PDZRN3: variants seen among roughly 807,000 people sequenced by gnomAD.
The protein encoded by PDZRN3 is E3 ubiquitin-protein ligase PDZRN3.
A neutral mutation model predicts 85.7 loss-of-function variants in PDZRN3; 38 were observed. That is an observed-to-expected ratio of 0.44 (90% CI 0.34 to 0.58). The LOEUF (loss-of-function observed/expected upper bound fraction) is 0.58. Among genes scored for constraint, PDZRN3 ranks in the 20% least tolerant of loss-of-function variants. The probability of loss-of-function intolerance (pLI) is 0.01; values close to 1 mark genes in which losing one functional copy is unlikely to be tolerated. For missense variants in PDZRN3, 1,629 were observed against 1,506.4 expected (o/e 1.08, Z -1.35); for synonymous variants, 759 against 638.0 (o/e 1.19, Z -2.86).
At chr3:73,590,757 A>G (rs1702346806) in intron 3 of PDZRN3, among the ~76,000 whole-genome samples, 2 of 152,256 alleles carry the variant, frequency 1.3e-5, no homozygotes, top group South Asian at 4.1e-4. Flanking sequence ...TCATATGTTA[A>G]TATTATCTCA....
chr3:73,525,341 A>G (rs1704496859), intron 3 of PDZRN3, among the ~76,000 whole-genome samples: 1 of 152,210 alleles, frequency 6.6e-6, no homozygotes, highest in African/African-American at 2.4e-5. Flanking sequence ...TTATGAACAC[A>G]TGTCAGTTTC....
In PDZRN3 at chr3:73,624,175, C is replaced by T; in HGVS notation, c.651G>A (p.Gln217=). 1 of 1,503,268 alleles carries T rather than the reference C, an allele frequency of 6.7e-7. No individual in the cohort carries two copies. The highest frequency in any genetic ancestry group is 8.8e-7 in the Non-Finnish European group (1 of 1,131,666). The allele number at this position is 1,503,268 out of a possible 1,614,324, so 93.1% of individuals were successfully genotyped here. A position where few individuals can be genotyped will look rare whatever the true frequency, so the allele number is the denominator to read the frequency against. ...LELQMTALRY[Q]KKFTEYSARL... ...GCGCGCTGTATTCGGTGAATTTCTT[C>T]TGGTAGCGCAGCGCGGTCATCTGCA... The change falls in exon 1 of 10, where the codon CAG becomes CAA. Residue 217 remains glutamine (Q), a synonymous_variant. Coordinates refer to ENST00000263666, the MANE Select transcript of PDZRN3 (RefSeq NM_015009.3).
chr3:73,607,130 C>T (rs911045601), intron 2 of PDZRN3, among the ~76,000 whole-genome samples: 6 of 152,218 alleles, frequency 3.9e-5, no homozygotes, highest in African/African-American at 7.2e-5. Context: ...AAAACCCCAG[C>T]GTCCAACCGC....
intron 3 of PDZRN3, among the ~76,000 whole-genome samples, chr3:73,424,051 T>C (rs1006462770): frequency 1.3e-5 from 2 of 152,066 alleles, no homozygotes; most frequent in Non-Finnish European, 2.9e-5. Context: ...TCTTACCATA[T>C]ATAAAAAAGT....
At chr3:73,601,389 C>T (rs948115940) in intron 3 of PDZRN3, among the ~76,000 whole-genome samples, 11 of 152,310 alleles carry the variant, frequency 7.2e-5, no homozygotes, top group African/African-American at 2.6e-4. Flanking sequence ...AAAACAAACA[C>T]CCACTGGTAT....
intron 3 of PDZRN3, among the ~76,000 whole-genome samples, chr3:73,507,152 T>C (rs1295036743): frequency 7.0e-6 from 1 of 143,522 alleles, no homozygotes; most frequent in Non-Finnish European, 1.5e-5. Context: ...TATGCACACA[T>C]ATAAGCATAG....
intron 3 of PDZRN3, among the ~76,000 whole-genome samples, chr3:73,516,668 TA>T (rs1350317595): frequency 6.6e-6 from 1 of 152,154 alleles, no homozygotes; most frequent in Non-Finnish European, 1.5e-5. Flanking sequence ...GTAGGCTGGA[TA>T]AAAAATAGAT....
chr3:73,389,832 C>T lies in PDZRN3; in HGVS notation c.1400G>A (p.Gly467Glu). 6.2e-7 allele frequency: 1 copy of T among 1,613,456 alleles called. No individual in the cohort carries two copies. Among genetic ancestry groups the T allele is most frequent in the African/African-American group, 1.3e-5 (1 of 75,024 alleles). ...TGGACTTACCTGGATAATGCGGTCT[C>T]CTTCTCGGATGCGCCCATCCTTGGC... ...IAAKDGRIRE[G>E]DRIIQINGIE... Residue 467 changes from glycine (G) to glutamate (E), a missense_variant, in exon 7 of 10, where the codon GGA becomes GAA. Physicochemically the swap from Gly to Glu is moderately conservative, Grantham distance 98. Transcript: ENST00000263666.
intron 5 of PDZRN3, 125 bp from the exon 6 acceptor site, chr3:73,391,241 G>A: frequency 3.1e-6 from 2 of 638,214 alleles, no homozygotes; most frequent in South Asian, 2.1e-5. Context: ...ACTGTGTAGG[G>A]CCGGTTAACT....
intron 7 of PDZRN3, among the ~76,000 whole-genome samples, chr3:73,388,348 GACGGCACTGAGAAA>G (rs1252811964): frequency 6.6e-6 from 1 of 152,178 alleles, no homozygotes; most frequent in Non-Finnish European, 1.5e-5. Flanking sequence ...ACCTCCAGAA[GACGGCACTGAGAAA>G]AATCATAATG....
intron 5 of PDZRN3, among the ~76,000 whole-genome samples, chr3:73,392,307 A>G (rs1265232092): frequency 6.6e-6 from 1 of 152,224 alleles, no homozygotes; most frequent in African/African-American, 2.4e-5. Context: ...AGTAGCTAAG[A>G]TTTTATTTCA....
chr3:73,565,817 A>C (rs1406995085), intron 3 of PDZRN3, among the ~76,000 whole-genome samples: 1 of 88,126 alleles, frequency 1.1e-5, no homozygotes, highest in Non-Finnish European at 2.8e-5. Context: ...ACACACACAC[A>C]CACACACACA....
intron 3 of PDZRN3, among the ~76,000 whole-genome samples, chr3:73,497,866 C>T (rs1219132765): frequency 6.6e-6 from 1 of 150,752 alleles, no homozygotes; most frequent in Non-Finnish European, 1.5e-5. Context: ...ACGACTCGAA[C>T]CTCTGGGCCC....
intron 3 of PDZRN3, among the ~76,000 whole-genome samples, chr3:73,600,331 ACACACACT>A (rs1333283124): frequency 1.3e-3 from 111 of 86,010 alleles, no homozygotes; most frequent in African/African-American, 5.2e-3. Context: ...ACACACACAC[ACACACACT>A]CTCTCTCTCT....
intron 3 of PDZRN3, among the ~76,000 whole-genome samples, chr3:73,490,299 C>G (rs1017042071): frequency 6.6e-6 from 1 of 152,182 alleles, no homozygotes; most frequent in Non-Finnish European, 1.5e-5. Context: ...TGGAGACCAA[C>G]TCTCACTGCT....
chr3:73,588,032 G>A (rs1274880013), intron 3 of PDZRN3, among the ~76,000 whole-genome samples: 1 of 152,184 alleles, frequency 6.6e-6, no homozygotes, highest in Non-Finnish European at 1.5e-5. Context: ...AGGTATATGT[G>A]TGCCATGGTG....
chr3:73,480,351 C>G (rs1205724896), intron 3 of PDZRN3, among the ~76,000 whole-genome samples: 1 of 152,162 alleles, frequency 6.6e-6, no homozygotes, highest in East Asian at 1.9e-4. Context: ...ATTCTGAAGC[C>G]TCTGTTGAAA....
At chr3:73,602,282 A>G (rs1419644996) in intron 3 of PDZRN3, 72 bp downstream of exon 3, 2 of 828,284 alleles carry the variant, frequency 2.4e-6, no homozygotes, top group East Asian at 4.9e-5. Flanking sequence ...CCAGTCAAAC[A>G]TCTTGCTTTG....
chr3:73,584,401 C>T (rs1332116640), intron 3 of PDZRN3, among the ~76,000 whole-genome samples: 1 of 151,036 alleles, frequency 6.6e-6, no homozygotes, highest in Non-Finnish European at 1.5e-5. Context: ...CAAGTTTTGT[C>T]CAACTAAGTG....
Sources: gnomAD v4.1 joint callset for allele counts (sites outside exome capture counted in the v4.1 genomes callset) on GRCh38, gnomAD v4.1.1 for gene constraint, MANE v1.5 for transcripts, NCBI Gene and HGNC (gene_info 2026-07-23, HGNC 2026-07-21) for gene names.